Variants in HPR observed in about 807,000 individuals in gnomAD.
HPR encodes the protein Haptoglobin-related locus.
HPR carries 17 observed loss-of-function variants against 18.5 expected under a neutral mutation model. The observed-to-expected ratio is 0.92, with a 90% confidence interval of 0.63 to 1.38. The LOEUF is 1.38. HPR is among the 40% of genes most tolerant of loss of function. The probability of loss-of-function intolerance (pLI) is 0.00; values close to 1 mark genes in which losing one functional copy is unlikely to be tolerated. For missense variants in HPR, 457 were observed against 432.4 expected (o/e 1.06, Z -0.51); for synonymous variants, 176 against 165.0 (o/e 1.07, Z -0.51).
chr16:72,073,796 GTGTGTGTGTGTGTACATGCC>G, intron 1 of HPR, 76 bp from the exon 2 acceptor site: 1 of 1,520,900 alleles, frequency 6.6e-7, no homozygotes, highest in Non-Finnish European at 9.0e-7. Flanking sequence ...GTGTGTGCGT[GTGTGTGTGTGTGTACATGCC>G]TGTGTGTGTG....
At chr16:72,069,263 T>A (rs946114860) in intron 1 of HPR, among the ~76,000 whole-genome samples, 1 of 152,158 alleles carries the variant, frequency 6.6e-6, no homozygotes, top group African/African-American at 2.4e-5. Context: ...ACCTTGTTCA[T>A]AAGGAGTTAA....
chr16:72,074,350 GT>G lies in HPR; in HGVS notation c.159del (p.Cys53Ter). ...GYVEHLFRYQ[C>X]KNYYRLRTEG... is the part of the protein sequence containing the mutation. Reference sequence around the variant, plus strand: ...GTGGAGCACTTGTTTCGCTACCAGTGTAAGAACTACTACAGACTGCGCACAG... The same window carrying G: ...GTGGAGCACTTGTTTCGCTACCAGTGAAGAACTACTACAGACTGCGCACAG... On this transcript the variant is annotated frameshift_variant, in exon 3 of 5. Transcript: ENST00000540303. LOFTEE classifies it high-confidence loss of function. 6.2e-7 allele frequency: 1 copy of G among 1,614,034 alleles called. No individual in the cohort carries two copies. Among genetic ancestry groups the G allele is most frequent in the Non-Finnish European group, 8.5e-7 (1 of 1,179,950 alleles).
chr16:72,073,972 T>C lies in HPR; in HGVS notation c.86T>C (p.Ile29Thr), dbSNP rs1161864301. The C allele has an allele frequency of 6.2e-7, 1 of 1,613,932 alleles. No individual in the cohort carries two copies. The highest frequency in any genetic ancestry group is 1.3e-5 in the African/African-American group (1 of 74,900). Residue 29 changes from isoleucine to threonine, a missense_variant, in exon 2 of 5, where the codon ATT (isoleucine) becomes ACT (threonine). Ile to Thr is a moderately conservative substitution (Grantham distance 89). Coordinates refer to ENST00000540303, the MANE Select transcript of HPR (RefSeq NM_020995.4). Reference protein sequence around the residue: ...ALYSGNDVTDISDDRFPKPPE... With the variant: ...ALYSGNDVTDTSDDRFPKPPE... ...TACTCAGGCAATGATGTCACGGATA[T>C]TTCAGGTCAGTCTTTGAGTTGGGTA...
At position 72,073,889 on chromosome 16, in the gene HPR, C is replaced by T. The variant is rs748786415; in HGVS notation, c.6-3C>T. ...TCCGCTCCTTCTTGTTTTCTCTCTGCAGTGACCTGGGAGCTGTCATTTCCC... is the reference window on the plus strand; with the variant it reads ...TCCGCTCCTTCTTGTTTTCTCTCTGTAGTGACCTGGGAGCTGTCATTTCCC... On this transcript the variant is annotated splice_region_variant and splice_polypyrimidine_tract_variant and intron_variant, in intron 1 of 4. Transcript: ENST00000540303. 5.6e-6 allele frequency: 9 copies of T among 1,613,804 alleles called. No individual in the cohort carries two copies. The highest frequency in any genetic ancestry group is 6.8e-6 in the Non-Finnish European group (8 of 1,179,966).
intron 1 of HPR, among the ~76,000 whole-genome samples, chr16:72,068,942 T>A (rs757197619): frequency 6.6e-6 from 1 of 152,174 alleles, no homozygotes; most frequent in Non-Finnish European, 1.5e-5. Flanking sequence ...AGGCCAGATC[T>A]AGGAAAGATC....
chr16:72,065,646 G>A (rs1362398133), intron 1 of HPR, among the ~76,000 whole-genome samples: 1 of 152,168 alleles, frequency 6.6e-6, no homozygotes, highest in Non-Finnish European at 1.5e-5. Context: ...TCTGGCCAAA[G>A]TATGGGTCGA....
intron 1 of HPR, among the ~76,000 whole-genome samples, chr16:72,067,543 A>C (rs2041610814): frequency 6.6e-6 from 1 of 152,186 alleles, no homozygotes; most frequent in African/African-American, 2.4e-5. Flanking sequence ...CTTACTCACC[A>C]CGGCGGATGA....
At chr16:72,067,908 A>G (rs1045545875) in intron 1 of HPR, among the ~76,000 whole-genome samples, 8 of 152,070 alleles carry the variant, frequency 5.3e-5, no homozygotes, top group African/African-American at 1.7e-4. Context: ...ATAATCATCA[A>G]TGGTTTACTG....
intron 1 of HPR, among the ~76,000 whole-genome samples, chr16:72,066,176 C>A (rs1317390687): frequency 6.6e-6 from 1 of 152,140 alleles, no homozygotes; most frequent in Non-Finnish European, 1.5e-5. Flanking sequence ...GAGGGGAAGT[C>A]ATTGGTTTTG....
chr16:72,065,310 G>A (rs1423694467), intron 1 of HPR, among the ~76,000 whole-genome samples: 2 of 152,020 alleles, frequency 1.3e-5, no homozygotes, highest in African/African-American at 4.8e-5. Flanking sequence ...TCTCTAATAC[G>A]AGGGATTGAG....
At chr16:72,074,639 G>A (rs755685829) in intron 3 of HPR, 1 of 712,750 alleles carries the variant, frequency 1.4e-6, no homozygotes, top group East Asian at 2.7e-5. Flanking sequence ...CTCAGAGTCA[G>A]ATTTACATCT....
chr16:72,075,102 G>C (rs1196205675), intron 3 of HPR, 43 bp from the exon 4 acceptor site: 2 of 740,106 alleles, frequency 2.7e-6, no homozygotes, highest in Non-Finnish European at 4.9e-6. Flanking sequence ...TCTGGGTGCA[G>C]ACTTGACTTT....
intron 1 of HPR, among the ~76,000 whole-genome samples, chr16:72,072,970 T>C (rs1490026448): frequency 6.6e-6 from 1 of 152,174 alleles, no homozygotes; most frequent in Non-Finnish European, 1.5e-5. Context: ...GTGTTCTCCC[T>C]GCGCTGGTAA....
Position 72,069,316 on chromosome 16 carries a change from C to T in HPR, c.6-4576C>T, listed in dbSNP as rs572838795. Among the ~76,000 whole-genome samples, 5 of 152,254 alleles carry T rather than the reference C, an allele frequency of 3.3e-5. No individual in the cohort carries two copies. In the South Asian group the frequency reaches 1.0e-3, roughly 32 times the overall value. On this transcript the variant is annotated intron_variant, in intron 1 of 4. Coordinates refer to ENST00000540303, the MANE Select transcript of HPR (RefSeq NM_020995.4). Reference sequence around the variant, plus strand: ...AACCTTCAGTTGCCAGAAGAAATAGCTATTGTCCGTGTACCCGGGCACCAG... The same window carrying T: ...AACCTTCAGTTGCCAGAAGAAATAGTTATTGTCCGTGTACCCGGGCACCAG...
chr16:72,076,116 T>G (rs2041719514), intron 4 of HPR, among the ~76,000 whole-genome samples, 187 bp from the exon 5 acceptor site: 1 of 152,218 alleles, frequency 6.6e-6, no homozygotes, highest in South Asian at 2.1e-4. Flanking sequence ...CTTTTTGTAA[T>G]GTAAACAATT....
Position 72,076,498 on chromosome 16 carries a change from C to T in HPR, c.464C>T (p.Thr155Ile). The T allele has an allele frequency of 6.2e-7, 1 of 1,614,130 alleles. No individual in the cohort carries two copies. Among genetic ancestry groups the T allele is most frequent in the Non-Finnish European group, 8.5e-7 (1 of 1,179,980 alleles). The change falls in exon 5 of 5, where the codon ACA (threonine) becomes ATA (isoleucine). Residue 155 changes from threonine to isoleucine, a missense_variant. Coordinates refer to ENST00000540303, the MANE Select transcript of HPR (RefSeq NM_020995.4). ...TTCCTGAACCATTCAGAAAATGCAA[C>T]AGCGAAAGACATTGCCCCTACTTTA... Reference protein sequence around the residue: ...NLFLNHSENATAKDIAPTLTL... With the variant: ...NLFLNHSENAIAKDIAPTLTL...
chr16:72,073,874 C>T lies in HPR; in HGVS notation c.6-18C>T. On this transcript the variant is annotated intron_variant, in intron 1 of 4. Coordinates refer to ENST00000540303, the MANE Select transcript of HPR (RefSeq NM_020995.4). The stretch of plus-strand genomic sequence containing the variant: ...CAGGGAGACCAGCTTTCCGCTCCTT[C>T]TTGTTTTCTCTCTGCAGTGACCTGG... 1.2e-6 allele frequency: 2 copies of T among 1,613,858 alleles called. No homozygotes were observed. Among genetic ancestry groups the T allele is most frequent in the East Asian group, 4.5e-5 (2 of 44,802 alleles).
rs765037046 is a variant in HPR at position 72,076,710 on chromosome 16, T to G, written c.676T>G (p.Trp226Gly). 19 of 1,614,100 alleles carry G rather than the reference T, an allele frequency of 1.2e-5. No homozygotes were observed. The highest frequency in any genetic ancestry group is 1.6e-5 in the Non-Finnish European group (19 of 1,180,044). Reference protein sequence around the residue: ...EVGRVGYVSGWGQSDNFKLTD... With the variant: ...EVGRVGYVSGGGQSDNFKLTD... Reference sequence around the variant, plus strand: ...AGGGCGTGTGGGTTACGTGTCTGGCTGGGGACAAAGTGACAACTTTAAACT... The same window carrying G: ...AGGGCGTGTGGGTTACGTGTCTGGCGGGGGACAAAGTGACAACTTTAAACT... The change falls in exon 5 of 5, where the codon TGG (tryptophan) becomes GGG (glycine). Residue 226 changes from tryptophan to glycine, a missense_variant. Coordinates refer to ENST00000540303, the MANE Select transcript of HPR (RefSeq NM_020995.4).
At chr16:72,066,366 A>T (rs917974526) in intron 1 of HPR, among the ~76,000 whole-genome samples, 2 of 152,284 alleles carry the variant, frequency 1.3e-5, no homozygotes, top group Middle Eastern at 3.4e-3. Flanking sequence ...AAGAAGCATG[A>T]TCCGTAGGGC....
Sources: allele counts gnomAD v4.1 joint callset (sites outside exome capture counted in the v4.1 genomes callset), GRCh38; gene constraint gnomAD v4.1.1; transcripts MANE v1.5; gene names NCBI Gene and HGNC (gene_info 2026-07-23, HGNC 2026-07-21).